The following DIP2C variants were observed in gnomAD, a reference collection of about 807,000 sequenced individuals.
The protein encoded by DIP2C is disco-interacting protein 2 homolog C.
Under a neutral mutation model 192.4 loss-of-function variants are expected in DIP2C, and 33 were observed. That is an observed-to-expected ratio of 0.17 (90% CI 0.13 to 0.23). The LOEUF is 0.23. DIP2C is among the 10% of genes least tolerant of loss of function. DIP2C has a pLI of 1.00. For synonymous variants in DIP2C, 979 were observed against 864.1 expected (o/e 1.13, Z -2.33); for missense variants, 1,537 against 2,110.1 (o/e 0.73, Z 5.32).
intron 3 of DIP2C, among the ~76,000 whole-genome samples, chr10:461,838 C>A (rs1397625815): frequency 1.3e-5 from 2 of 152,222 alleles, no homozygotes; most frequent in African/African-American, 4.8e-5. Context: ...GTCTCTCAGA[C>A]TACAGTGCAA....
At chr10:650,236 C>T (rs1564304576) in intron 1 of DIP2C, 1 of 717,210 alleles carries the variant, frequency 1.4e-6, no homozygotes, top group South Asian at 1.5e-5. Flanking sequence ...TCCCTGTTCC[C>T]TTCCCCTCAG....
chr10:447,297 T>C (rs1481607500), intron 3 of DIP2C, among the ~76,000 whole-genome samples: 2 of 145,698 alleles, frequency 1.4e-5, no homozygotes, highest in East Asian at 4.1e-4. Context: ...TCACACACAG[T>C]GGGGCAGCAG....
chr10:311,661 C>T, intron 31 of DIP2C: 1 of 1,073,694 alleles, frequency 9.3e-7, no homozygotes, highest in East Asian at 3.2e-5. Context: ...TACGACCCGA[C>T]AGTGAAAAAT....
chr10:482,427 G>A (rs374336102), intron 2 of DIP2C, among the ~76,000 whole-genome samples: 5 of 152,248 alleles, frequency 3.3e-5, no homozygotes, highest in East Asian at 1.9e-4. Context: ...CACTGACCAC[G>A]GATACCTCTT....
chr10:605,087 C>T (rs567965457), intron 1 of DIP2C, among the ~76,000 whole-genome samples: 49 of 152,336 alleles, frequency 3.2e-4, no homozygotes, highest in African/African-American at 1.1e-3. Flanking sequence ...CAGCATCATG[C>T]GTGCCTGAGG....
intron 1 of DIP2C, among the ~76,000 whole-genome samples, chr10:544,118 A>G (rs966026961): frequency 6.6e-6 from 1 of 150,564 alleles, no homozygotes; most frequent in Non-Finnish European, 1.5e-5. Flanking sequence ...TTTCACATTC[A>G]AGGTGAGTGG....
In DIP2C at chr10:650,731, C is replaced by G. The variant is rs571244431; in HGVS notation, c.85+38763G>C. 6.5e-4 allele frequency: 414 copies of G among 636,742 alleles called. 2 individuals are homozygous for G. Among genetic ancestry groups the G allele is most frequent in the Middle Eastern group, 1.4e-3 (5 of 3,490 alleles). 39.4% of individuals were successfully genotyped at this position (636,742 alleles called of 1,614,324 possible). A position where few individuals can be genotyped will look rare whatever the true frequency, so the allele number is the denominator to read the frequency against. ...TGGCCAGAGTGCTCTGGGCCGACCC[C>G]CCCTCATGCTCACTTCCCTGCATAA... On this transcript the variant is annotated intron_variant, in intron 1 of 36. Coordinates refer to ENST00000280886, the MANE Select transcript of DIP2C (RefSeq NM_014974.3).
At chr10:430,229 T>C (rs959299783) in intron 4 of DIP2C, 1 of 152,266 alleles carries the variant, frequency 6.6e-6, no homozygotes, top group African/African-American at 2.4e-5. Context: ...TTTTTACTTA[T>C]TCATTTTTTA....
chr10:407,587 C>T lies in DIP2C; in HGVS notation c.1149+1339G>A, dbSNP rs137929476. Among the ~76,000 whole-genome samples, 156 of 152,240 alleles carry T rather than the reference C, an allele frequency of 1.0e-3. 1 individual carries two copies. Among genetic ancestry groups the T allele is most frequent in the African/African-American group, 3.5e-3 (144 of 41,532 alleles). On this transcript the variant is annotated intron_variant, in intron 9 of 36. Coordinates refer to ENST00000280886, the MANE Select transcript of DIP2C (RefSeq NM_014974.3). Reference sequence around the variant, plus strand: ...TCCGACTTCCCCACATCCTTGCCAACACGTGCCCTTTTCAGTAGTTTAGTA... The same window carrying T: ...TCCGACTTCCCCACATCCTTGCCAATACGTGCCCTTTTCAGTAGTTTAGTA...
chr10:397,598 C>A (rs1482049424), intron 10 of DIP2C, among the ~76,000 whole-genome samples: 1 of 151,838 alleles, frequency 6.6e-6, no homozygotes, highest in Non-Finnish European at 1.5e-5. Context: ...ATTGCAGGTT[C>A]AGACCTGGGC....
At chr10:556,445 C>G (rs1396098727) in intron 1 of DIP2C, among the ~76,000 whole-genome samples, 2 of 144,454 alleles carry the variant, frequency 1.4e-5, no homozygotes, top group African/African-American at 2.6e-5. Flanking sequence ...ACGCAGCCAC[C>G]CACACCTTCC....
At chr10:490,117 T>G (rs541622483) in intron 1 of DIP2C, among the ~76,000 whole-genome samples, 1 of 81,626 alleles carries the variant, frequency 1.2e-5, no homozygotes, top group Non-Finnish European at 2.8e-5. Context: ...TGCCTGGTCC[T>G]TCCTCCATTT....
rs200390334 is a variant in DIP2C, at chr10:647,973, A to G, written c.85+41521T>C. Reference sequence around the variant, plus strand: ...GAGAACAGAGGGAAACTGAGTCCACATCCACATTGGACGGTGGGAGAGAAC... The same window carrying G: ...GAGAACAGAGGGAAACTGAGTCCACGTCCACATTGGACGGTGGGAGAGAAC... On this transcript the variant is annotated intron_variant, in intron 1 of 36. Transcript: ENST00000280886. Among the ~76,000 whole-genome samples, 475 of 120,830 alleles carry G rather than the reference A, an allele frequency of 3.9e-3. 14 individuals carry two copies. In the East Asian group the frequency reaches 0.11, roughly 28 times the overall value. 79.3% of individuals were successfully genotyped at this position (120,830 alleles called of 152,430 possible).
intron 1 of DIP2C, among the ~76,000 whole-genome samples, chr10:677,821 A>G (rs1830925768): frequency 6.6e-6 from 1 of 152,220 alleles, no homozygotes; most frequent in African/African-American, 2.4e-5. Context: ...AGACTCATAC[A>G]GTCCCCACAA....
Position 483,522 on chromosome 10 carries a change from G to C in DIP2C, c.157+2937C>G, listed in dbSNP as rs189854375. On this transcript the variant is annotated intron_variant, in intron 2 of 36. Transcript: ENST00000280886. ...CCGCTGTCCGGAGTCCCCCCATCCT[G>C]AGTCTGGTGTCTGGGCCTCAATCAG... Among the ~76,000 whole-genome samples, 538 of 152,364 alleles carry C rather than the reference G, an allele frequency of 3.5e-3. 4 individuals carry two copies. The highest frequency in any genetic ancestry group is 6.8e-3 in the Middle Eastern group (2 of 294).
At chr10:557,187 C>A (rs1291937348) in intron 1 of DIP2C, among the ~76,000 whole-genome samples, 1 of 152,194 alleles carries the variant, frequency 6.6e-6, no homozygotes, top group East Asian at 1.9e-4. Flanking sequence ...CCTGGCAGCC[C>A]CACAGAGGGA....
intron 31 of DIP2C, among the ~76,000 whole-genome samples, chr10:325,904 G>A (rs1267934044): frequency 2.0e-5 from 3 of 152,092 alleles, no homozygotes; most frequent in East Asian, 1.9e-4. Context: ...AAAAAAGGCC[G>A]GGTGCAGTGG....
chr10:427,311 A>T (rs971958359), intron 4 of DIP2C, among the ~76,000 whole-genome samples: 1 of 152,226 alleles, frequency 6.6e-6, no homozygotes, highest in Non-Finnish European at 1.5e-5. Flanking sequence ...TCTTGATTAC[A>T]GTGGGTCCAC....
chr10:497,040 C>T (rs1471059472), intron 1 of DIP2C, among the ~76,000 whole-genome samples: 2 of 152,122 alleles, frequency 1.3e-5, no homozygotes, highest in African/African-American at 2.4e-5. Context: ...AGAAGAATGG[C>T]ATGAACCCAG....
Sources: gnomAD v4.1 joint callset for allele counts (sites outside exome capture counted in the v4.1 genomes callset) on GRCh38, gnomAD v4.1.1 for gene constraint, MANE v1.5 for transcripts, NCBI Gene and HGNC (gene_info 2026-07-23, HGNC 2026-07-21) for gene names.